NAALADL2: variants seen among roughly 807,000 people sequenced by gnomAD.
NAALADL2 encodes the protein N-acetylated alpha-linked acidic dipeptidase like 2, also known as inactive N-acetylated-alpha-linked acidic dipeptidase-like protein 2.
Under a neutral mutation model 87.2 loss-of-function variants are expected in NAALADL2, and 76 were observed. The observed-to-expected ratio is 0.87, with a 90% CI of 0.72 to 1.05. The LOEUF (loss-of-function observed/expected upper bound fraction) is 1.05, where lower values mean the gene tolerates loss of function less well. NAALADL2 is among the 50% of genes least tolerant of loss of function. NAALADL2 has a pLI of 0.00. For missense variants in NAALADL2, 1,089 were observed against 945.8 expected (o/e 1.15, Z -1.99); for synonymous variants, 354 against 331.0 (o/e 1.07, Z -0.75).
chr3:174,726,238 A>G (rs1277292018), intron 2 of NAALADL2, among the ~76,000 whole-genome samples: 1 of 152,136 alleles, frequency 6.6e-6, no homozygotes. Context: ...TGGAAAAGTT[A>G]ATAAAAGCGC....
At chr3:175,352,491 A>C (rs941547385) in intron 5 of NAALADL2, among the ~76,000 whole-genome samples, 1 of 152,120 alleles carries the variant, frequency 6.6e-6, no homozygotes, top group African/African-American at 2.4e-5. Context: ...GCATTCCTTC[A>C]AGTTTCTTAC....
In NAALADL2 at chr3:175,090,793, G is replaced by A. The variant is rs571778780; in HGVS notation, c.44-5997G>A. The stretch of plus-strand genomic sequence containing the variant: ...ACTAATTTATTTTTCTAAAAATAAA[G>A]CACAAATAATAATTTCCTTTAGTTT... On this transcript the variant is annotated intron_variant, in intron 1 of 13. Coordinates refer to ENST00000454872, the MANE Select transcript of NAALADL2 (RefSeq NM_207015.3). Among the ~76,000 whole-genome samples, 136 of 152,036 alleles carry A rather than the reference G, an allele frequency of 8.9e-4. 1 individual carries two copies. The highest frequency in any genetic ancestry group is 1.7e-3 in the Non-Finnish European group (115 of 67,968).
intron 10 of NAALADL2, among the ~76,000 whole-genome samples, chr3:175,592,352 T>A (rs1721628454): frequency 6.6e-6 from 1 of 151,214 alleles, no homozygotes; most frequent in Non-Finnish European, 1.5e-5. Flanking sequence ...TGAGTTCAAT[T>A]ATTTTTTCTT....
chr3:175,713,478 A>G (rs1042570068), intron 11 of NAALADL2, among the ~76,000 whole-genome samples: 2 of 152,132 alleles, frequency 1.3e-5, no homozygotes, highest in African/African-American at 2.4e-5. Context: ...CACAAATAGT[A>G]TGATAGTGTG....
chr3:174,482,487 T>C (rs1717614383), intron 1 of NAALADL2, among the ~76,000 whole-genome samples: 1 of 152,040 alleles, frequency 6.6e-6, no homozygotes, highest in Admixed American at 6.6e-5. Flanking sequence ...ACTGCTTCAT[T>C]TTACTTTTAA....
At chr3:175,518,143 G>A (rs1732143266) in intron 9 of NAALADL2, among the ~76,000 whole-genome samples, 1 of 152,156 alleles carries the variant, frequency 6.6e-6, no homozygotes, top group Non-Finnish European at 1.5e-5. Flanking sequence ...TTTACATCTC[G>A]ATTTACAGGC....
chr3:174,795,567 TG>T (rs1283723701), intron 3 of NAALADL2, among the ~76,000 whole-genome samples: 22 of 152,156 alleles, frequency 1.4e-4, no homozygotes, highest in African/African-American at 5.3e-4. Flanking sequence ...GGAGTAGAAT[TG>T]TTGGGCCAAT....
intron 1 of NAALADL2, among the ~76,000 whole-genome samples, chr3:174,934,484 A>T (rs1312270473): frequency 1.3e-5 from 2 of 152,146 alleles, no homozygotes; most frequent in African/African-American, 4.8e-5. Flanking sequence ...GTTTCATGAT[A>T]CATTAAGTTT....
intron 5 of NAALADL2, among the ~76,000 whole-genome samples, chr3:175,424,726 C>T (rs369969323): frequency 1.8e-4 from 27 of 152,192 alleles, no homozygotes; most frequent in East Asian, 1.4e-3. Context: ...GTGATGCCTC[C>T]GGCTTTGTTC....
intron 9 of NAALADL2, among the ~76,000 whole-genome samples, chr3:175,539,256 A>G (rs1166580470): frequency 2.0e-5 from 3 of 152,186 alleles, no homozygotes; most frequent in Admixed American, 1.3e-4. Flanking sequence ...AATACTTTTG[A>G]TCAAGCAAAG....
intron 1 of NAALADL2, among the ~76,000 whole-genome samples, chr3:174,895,258 C>A: frequency 6.7e-6 from 1 of 149,988 alleles, no homozygotes; most frequent in Non-Finnish European, 1.5e-5. Flanking sequence ...TTTTTGAAAA[C>A]TTAAAAAAAA....
intron 1 of NAALADL2, among the ~76,000 whole-genome samples, chr3:174,914,684 C>A (rs1362022754): frequency 4.6e-5 from 7 of 152,028 alleles, no homozygotes; most frequent in African/African-American, 1.4e-4. Context: ...GGAAAATTTT[C>A]AAATATAGAT....
At chr3:175,588,539 T>TTC (rs1720902151) in intron 10 of NAALADL2, among the ~76,000 whole-genome samples, 1 of 130,214 alleles carries the variant, frequency 7.7e-6, no homozygotes, top group Admixed American at 7.5e-5. Flanking sequence ...CTTTTCTTTT[T>TTC]TTTTTTTTTT....
At chr3:174,650,301 C>T (rs1039765790) in intron 2 of NAALADL2, among the ~76,000 whole-genome samples, 1 of 152,074 alleles carries the variant, frequency 6.6e-6, no homozygotes, top group Non-Finnish European at 1.5e-5. Context: ...CATCAAAATG[C>T]TCCATGGAAA....
intron 1 of NAALADL2, among the ~76,000 whole-genome samples, chr3:174,944,237 A>C (rs1189970756): frequency 6.6e-6 from 1 of 151,984 alleles, no homozygotes; most frequent in Non-Finnish European, 1.5e-5. Context: ...GGTGGTAGAG[A>C]CCCCGATTAG....
At chr3:174,584,238 T>C (rs1467075005) in intron 2 of NAALADL2, among the ~76,000 whole-genome samples, 1 of 151,996 alleles carries the variant, frequency 6.6e-6, no homozygotes, top group Non-Finnish European at 1.5e-5. Flanking sequence ...ATCAGAGAAA[T>C]TTTACTTTAT....
intron 9 of NAALADL2, among the ~76,000 whole-genome samples, chr3:175,512,733 A>C (rs912268306): frequency 6.6e-6 from 1 of 152,174 alleles, no homozygotes; most frequent in Non-Finnish European, 1.5e-5. Context: ...CAAATGAGAT[A>C]TTATCTGCTG....
At chr3:175,294,154 C>G (rs1416391157) in intron 4 of NAALADL2, among the ~76,000 whole-genome samples, 1 of 152,096 alleles carries the variant, frequency 6.6e-6, no homozygotes, top group East Asian at 1.9e-4. Context: ...TAGAATATAG[C>G]CAGTAAAGCA....
At chr3:175,240,510 C>T (rs1313505974) in intron 3 of NAALADL2, among the ~76,000 whole-genome samples, 1 of 152,166 alleles carries the variant, frequency 6.6e-6, no homozygotes, top group African/African-American at 2.4e-5. Context: ...GCATTTGGCT[C>T]TGAATGATTG....
Sources: gnomAD v4.1 joint callset for allele counts (sites outside exome capture counted in the v4.1 genomes callset) on GRCh38, gnomAD v4.1.1 for gene constraint, MANE v1.5 for transcripts, NCBI Gene and HGNC (gene_info 2026-07-23, HGNC 2026-07-21) for gene names.